MAGI3: variants seen among roughly 807,000 people sequenced by gnomAD.
The protein encoded by MAGI3 is membrane associated guanylate kinase, WW and PDZ domain containing 3, also known as membrane-associated guanylate kinase, WW and PDZ domain-containing protein 3.
In MAGI3, 43 loss-of-function variants were observed where a neutral mutation model predicts 121.8. That is an observed-to-expected ratio of 0.35 (90% CI 0.28 to 0.46). MAGI3 has a LOEUF of 0.46. Among genes scored for constraint, MAGI3 ranks in the 20% least tolerant of loss-of-function variants. The probability of loss-of-function intolerance (pLI) is 1.00; values close to 1 mark genes in which losing one functional copy is unlikely to be tolerated. For synonymous variants in MAGI3, 553 were observed against 639.3 expected, an observed-to-expected ratio of 0.86 and a Z score of 2.04; for missense variants, 1,547 against 1,797.3, an observed-to-expected ratio of 0.86 and a Z score of 2.52.
intron 1 of MAGI3, among the ~76,000 whole-genome samples, chr1:113,516,807 G>C (rs1002418488): frequency 6.6e-6 from 1 of 151,978 alleles, no homozygotes; most frequent in African/African-American, 2.4e-5. Context: ...CCTTAGCCAG[G>C]TATTTAAAGT....
At chr1:113,507,421 C>T (rs1570772047) in intron 1 of MAGI3, among the ~76,000 whole-genome samples, 1 of 152,074 alleles carries the variant, frequency 6.6e-6, no homozygotes, top group East Asian at 1.9e-4. Context: ...TATTGAAAAA[C>T]GGTAAGCAGA....
At chr1:113,590,088 AG>A (rs1648603482) in intron 4 of MAGI3, among the ~76,000 whole-genome samples, 1 of 152,064 alleles carries the variant, frequency 6.6e-6, no homozygotes, top group African/African-American at 2.4e-5. Flanking sequence ...CTATAAAACA[AG>A]GAGATTAATA....
At chr1:113,633,721 C>T (rs1421805280) in intron 9 of MAGI3, among the ~76,000 whole-genome samples, 2 of 152,164 alleles carry the variant, frequency 1.3e-5, no homozygotes, top group East Asian at 1.9e-4. Flanking sequence ...TTTATAGCAG[C>T]ATGATCTATA....
At position 113,659,194 on chromosome 1, in the gene MAGI3, C is replaced by G; in HGVS notation, c.2744C>G (p.Ser915Cys). The G allele has an allele frequency of 6.2e-7, 1 of 1,613,980 alleles. No homozygotes were observed. The highest frequency in any genetic ancestry group is 8.5e-7 in the Non-Finnish European group (1 of 1,179,946). ...AVNGQSIVEL[S>C]HDNIVQLIKD... ...AATGGGCAGTCCATTGTTGAACTGTCTCATGATAACATTGTTCAGCTGATC... is the reference window on the plus strand; with the variant it reads ...AATGGGCAGTCCATTGTTGAACTGTGTCATGATAACATTGTTCAGCTGATC... Residue 915 changes from serine (S) to cysteine (C), a missense_variant, in exon 16 of 21, where the codon TCT becomes TGT. Physicochemically the swap from Ser to Cys is moderately radical, Grantham distance 112 (BLOSUM62 -1). Transcript: ENST00000307546.
chr1:113,643,680 G>A, intron 10 of MAGI3, 63 bp from the exon 11 acceptor site: 1 of 1,459,890 alleles, frequency 6.8e-7, no homozygotes, highest in Non-Finnish European at 9.6e-7. Flanking sequence ...GTAAACATTA[G>A]CAGTATTTGT....
intron 14 of MAGI3, 133 bp downstream of exon 14, chr1:113,651,339 CCT>C (rs1208278637): frequency 4.0e-6 from 3 of 758,602 alleles, no homozygotes; most frequent in East Asian, 6.1e-5. Context: ...TGATCCAGGG[CCT>C]CACTGTGGAA....
At chr1:113,482,282 A>G (rs774543124) in intron 1 of MAGI3, among the ~76,000 whole-genome samples, 1 of 152,034 alleles carries the variant, frequency 6.6e-6, no homozygotes, top group South Asian at 2.1e-4. Flanking sequence ...TACACATGTA[A>G]GTCATCCGGT....
chr1:113,423,939 G>A (rs1487424291), intron 1 of MAGI3, among the ~76,000 whole-genome samples: 2 of 152,176 alleles, frequency 1.3e-5, no homozygotes, highest in African/African-American at 4.8e-5. Context: ...CCAAGTGCTT[G>A]CACACCCGGC....
chr1:113,523,655 C>G (rs1014504231), intron 1 of MAGI3, among the ~76,000 whole-genome samples: 3 of 152,130 alleles, frequency 2.0e-5, no homozygotes, highest in African/African-American at 7.2e-5. Flanking sequence ...AGTAGTAAAG[C>G]ATTCAAGGGG....
chr1:113,654,058 C>T, intron 15 of MAGI3, 40 bp downstream of exon 15: 1 of 1,511,468 alleles, frequency 6.6e-7, no homozygotes, highest in African/African-American at 1.4e-5. Flanking sequence ...CCTGCAAGTC[C>T]AGTTTTCTGA....
At chr1:113,402,389 A>C (rs369524953) in intron 1 of MAGI3, among the ~76,000 whole-genome samples, 1 of 152,210 alleles carries the variant, frequency 6.6e-6, no homozygotes, top group African/African-American at 2.4e-5. Context: ...AGATTTACAC[A>C]GTCAAAATTG....
chr1:113,503,352 A>G lies in MAGI3; in HGVS notation c.317-46163A>G, dbSNP rs964366694. On this transcript the variant is annotated intron_variant, in intron 1 of 20. Coordinates refer to ENST00000307546, the MANE Select transcript of MAGI3 (RefSeq NM_001142782.2). ...AAAAAAAGGCTTAATTGATTGAACCAGATTCGAGAAAACAGTGCTAAATTA... is the reference window on the plus strand; with the variant it reads ...AAAAAAAGGCTTAATTGATTGAACCGGATTCGAGAAAACAGTGCTAAATTA... Among the ~76,000 whole-genome samples, 2 of 146,788 alleles carry G rather than the reference A, an allele frequency of 1.4e-5. 1 individual carries two copies. Among genetic ancestry groups the G allele is most frequent in the African/African-American group, 5.1e-5 (2 of 39,554 alleles).
At chr1:113,549,462 C>A in intron 1 of MAGI3, 53 bp from the exon 2 acceptor site, 1 of 954,518 alleles carries the variant, frequency 1.0e-6, no homozygotes, top group Non-Finnish European at 1.6e-6. Flanking sequence ...TTTAAGTGAA[C>A]GTCTAAAAAT....
chr1:113,521,718 A>G (rs10776771), intron 1 of MAGI3, among the ~76,000 whole-genome samples: 25,541 of 152,128 alleles, frequency 0.17, 2,413 homozygotes, highest in Non-Finnish European at 0.21. Context: ...AGTTAGTGCT[A>G]TTCTTAATGT....
intron 1 of MAGI3, among the ~76,000 whole-genome samples, chr1:113,526,157 A>C (rs2101633677): frequency 6.6e-6 from 1 of 152,322 alleles, no homozygotes; most frequent in South Asian, 2.1e-4. Context: ...ATATTTATTG[A>C]GCTCTTGCTA....
At chr1:113,452,668 A>G (rs1485847888) in intron 1 of MAGI3, among the ~76,000 whole-genome samples, 2 of 152,158 alleles carry the variant, frequency 1.3e-5, no homozygotes, top group East Asian at 3.8e-4. Flanking sequence ...AAACCCCACA[A>G]ATGCAGTTGT....
chr1:113,536,140 A>G (rs1454761729), intron 1 of MAGI3, among the ~76,000 whole-genome samples: 1 of 106,336 alleles, frequency 9.4e-6, no homozygotes, highest in East Asian at 4.0e-4. Flanking sequence ...ACTAGAAGAC[A>G]TGTGTTTTTT....
chr1:113,439,206 G>T (rs1030179033), intron 1 of MAGI3, among the ~76,000 whole-genome samples: 11 of 152,208 alleles, frequency 7.2e-5, no homozygotes, highest in African/African-American at 2.4e-4. Flanking sequence ...GAGTGGAACA[G>T]CACGAGATTG....
intron 9 of MAGI3, among the ~76,000 whole-genome samples, chr1:113,635,922 CAG>C (rs1444725614): frequency 2.0e-5 from 3 of 152,124 alleles, no homozygotes; most frequent in Non-Finnish European, 4.4e-5. Context: ...TTCGTCTATT[CAG>C]AGATTCAACT....
Sources: allele counts gnomAD v4.1 joint callset (sites outside exome capture counted in the v4.1 genomes callset), GRCh38; gene constraint gnomAD v4.1.1; transcripts MANE v1.5; gene names NCBI Gene and HGNC (gene_info 2026-07-23, HGNC 2026-07-21).